The following TBL1XR1 variants were observed in gnomAD, a reference collection of about 807,000 sequenced individuals.
TBL1XR1 encodes F-box-like/WD repeat-containing protein TBL1XR1.
Under a neutral mutation model 66.9 loss-of-function variants are expected in TBL1XR1, and 5 were observed. The observed-to-expected ratio is 0.07, with a 90% CI of 0.04 to 0.16. TBL1XR1 has a LOEUF of 0.16. Among genes scored for constraint, TBL1XR1 ranks in the 10% least tolerant of loss-of-function variants. TBL1XR1 has a pLI of 1.00. For synonymous variants in TBL1XR1, 210 were observed against 206.0 expected, an observed-to-expected ratio of 1.02 and a Z score of -0.17; for missense variants, 238 against 623.2, an observed-to-expected ratio of 0.38 and a Z score of 6.58.
At chr3:177,042,662 A>AC (rs1405338923) in intron 10 of TBL1XR1, among the ~76,000 whole-genome samples, 1 of 152,178 alleles carries the variant, frequency 6.6e-6, no homozygotes, top group Non-Finnish European at 1.5e-5. Context: ...CATAAAAAAA[A>AC]ATTTTATGTA....
At chr3:177,075,408 T>A (rs554654372) in intron 2 of TBL1XR1, among the ~76,000 whole-genome samples, 1 of 152,238 alleles carries the variant, frequency 6.6e-6, no homozygotes, top group Non-Finnish European at 1.5e-5. Flanking sequence ...AAAGATCTTA[T>A]TTCCATTCCA....
intron 13 of TBL1XR1, 100 bp from the exon 14 acceptor site, chr3:177,033,236 A>G: frequency 9.6e-7 from 1 of 1,037,698 alleles, no homozygotes; most frequent in South Asian, 3.3e-5. Flanking sequence ...CTAATAGCCA[A>G]AATTCTTTAT....
chr3:177,026,324 A>G lies in TBL1XR1; in HGVS notation c.1518+49T>C, dbSNP rs933853746. ...ATCACTAACAATAAGCTGCATTCTG[A>G]TGTGAATACCCACCCACACCCTCTT... On this transcript the variant is annotated intron_variant, in intron 15 of 15. Transcript: ENST00000457928. The G allele has an allele frequency of 4.3e-6, 6 of 1,398,438 alleles. No homozygotes were observed. In the Admixed American group the frequency reaches 7.3e-5, roughly 17 times the overall value. The allele number at this position is 1,398,438 out of a possible 1,614,324, so 86.6% of individuals were successfully genotyped here.
At chr3:177,079,267 T>G (rs1560150119) in intron 2 of TBL1XR1, among the ~76,000 whole-genome samples, 2 of 149,742 alleles carry the variant, frequency 1.3e-5, no homozygotes, top group Non-Finnish European at 3.0e-5. Flanking sequence ...CCGTCTCCAC[T>G]AAAAAAATAC....
intron 2 of TBL1XR1, among the ~76,000 whole-genome samples, chr3:177,070,458 C>A (rs2108562039): frequency 6.6e-6 from 1 of 152,298 alleles, no homozygotes; most frequent in African/African-American, 2.4e-5. Context: ...ATAGGTCATA[C>A]TTCTGGTACA....
chr3:177,168,984 G>T (rs1733147875), intron 1 of TBL1XR1, among the ~76,000 whole-genome samples: 1 of 152,020 alleles, frequency 6.6e-6, no homozygotes, highest in South Asian at 2.1e-4. Flanking sequence ...TAGACTAAGT[G>T]ATTAACTTTT....
intron 13 of TBL1XR1, among the ~76,000 whole-genome samples, chr3:177,033,892 A>C (rs879669010): frequency 6.6e-6 from 1 of 152,136 alleles, no homozygotes; most frequent in Non-Finnish European, 1.5e-5. Context: ...ACACAAAGGT[A>C]TAAGAATGAT....
intron 12 of TBL1XR1, among the ~76,000 whole-genome samples, chr3:177,036,877 TA>T (rs1714863177): frequency 6.6e-6 from 1 of 152,222 alleles, no homozygotes; most frequent in African/African-American, 2.4e-5. Flanking sequence ...AAGTCAAGGA[TA>T]AAACTGTTTT....
intron 1 of TBL1XR1, chr3:177,161,083 G>A (rs1577348312): frequency 6.6e-6 from 1 of 151,966 alleles, no homozygotes; most frequent in African/African-American, 2.4e-5. Context: ...GTTAATCTTA[G>A]ATACACAAAT....
chr3:177,114,861 C>A (rs1726111181), intron 1 of TBL1XR1, among the ~76,000 whole-genome samples: 1 of 151,836 alleles, frequency 6.6e-6, no homozygotes, highest in Non-Finnish European at 1.5e-5. Context: ...CACTTGTAGT[C>A]CCAGCTACTT....
chr3:177,027,742 A>G (rs2108383711), intron 14 of TBL1XR1: 1 of 152,300 alleles, frequency 6.6e-6, no homozygotes, highest in African/African-American at 2.4e-5. Flanking sequence ...ATGTGGCACA[A>G]ATCACAGATG....
At chr3:177,192,324 A>G (rs1736251525) in intron 1 of TBL1XR1, among the ~76,000 whole-genome samples, 1 of 151,746 alleles carries the variant, frequency 6.6e-6, no homozygotes, top group Non-Finnish European at 1.5e-5. Context: ...GCGAGGTTGC[A>G]GTAAGAGGAG....
At chr3:177,112,101 ATATATATTTTT>A (rs1338792399) in intron 1 of TBL1XR1, among the ~76,000 whole-genome samples, 2 of 48,202 alleles carry the variant, frequency 4.1e-5, no homozygotes, top group East Asian at 9.0e-4. Flanking sequence ...ATATATATAT[ATATATATTTTT>A]TTTTTTTTTT....
At chr3:177,074,050 T>C (rs1462502702) in intron 2 of TBL1XR1, among the ~76,000 whole-genome samples, 2 of 152,160 alleles carry the variant, frequency 1.3e-5, no homozygotes, top group Non-Finnish European at 2.9e-5. Flanking sequence ...TACTGGAGAA[T>C]TGATTCATTA....
chr3:177,096,786 A>C (rs1021887799), intron 2 of TBL1XR1, among the ~76,000 whole-genome samples: 7 of 152,238 alleles, frequency 4.6e-5, no homozygotes, highest in Non-Finnish European at 1.5e-5. Flanking sequence ...ATGAGTTGCC[A>C]GAGCAATCTA....
intron 1 of TBL1XR1, among the ~76,000 whole-genome samples, chr3:177,150,978 G>A (rs1012541718): frequency 6.6e-6 from 1 of 152,154 alleles, no homozygotes; most frequent in East Asian, 1.9e-4. Context: ...TTACAAATAA[G>A]GTTATAACTA....
At chr3:177,090,771 A>C (rs993999743) in intron 2 of TBL1XR1, among the ~76,000 whole-genome samples, 3 of 152,156 alleles carry the variant, frequency 2.0e-5, no homozygotes, top group African/African-American at 7.2e-5. Context: ...AGATCACGCC[A>C]CTGCACTCCA....
intron 1 of TBL1XR1, among the ~76,000 whole-genome samples, chr3:177,182,502 A>C (rs1283041710): frequency 6.6e-6 from 1 of 152,218 alleles, no homozygotes; most frequent in Non-Finnish European, 1.5e-5. Context: ...CAAAAGCAAC[A>C]AGAGTCTACT....
intron 1 of TBL1XR1, among the ~76,000 whole-genome samples, chr3:177,140,387 G>A (rs759583166): frequency 1.3e-5 from 2 of 152,204 alleles, no homozygotes; most frequent in Non-Finnish European, 2.9e-5. Flanking sequence ...CAGGTGAGCA[G>A]CCAGAGGCCT....
Sources: allele counts gnomAD v4.1 joint callset (sites outside exome capture counted in the v4.1 genomes callset), GRCh38; gene constraint gnomAD v4.1.1; transcripts MANE v1.5; gene names NCBI Gene and HGNC (gene_info 2026-07-23, HGNC 2026-07-21).